Variants in TLE3 observed in about 807,000 individuals in gnomAD.
The protein encoded by TLE3 is transducin-like enhancer protein 3.
A neutral mutation model predicts 93.0 loss-of-function variants in TLE3; 14 were observed. The observed-to-expected ratio is 0.15, with a 90% CI of 0.10 to 0.24. TLE3 has a LOEUF of 0.24. Among genes scored for constraint, TLE3 ranks in the 10% least tolerant of loss-of-function variants. The pLI, the probability that TLE3 is intolerant of heterozygous loss-of-function variation, is 1.00. For synonymous variants in TLE3, 451 were observed against 425.0 expected, an observed-to-expected ratio of 1.06 and a Z score of -0.75; for missense variants, 693 against 1,046.6, an observed-to-expected ratio of 0.66 and a Z score of 4.66.
chr15:70,083,397 A>G (rs1043163829), intron 4 of TLE3, among the ~76,000 whole-genome samples: 1 of 151,812 alleles, frequency 6.6e-6, no homozygotes, highest in Non-Finnish European at 1.5e-5. Context: ...CTTGCCTCCC[A>G]CCCCTACTTG....
intron 15 of TLE3, 58 bp from the exon 16 acceptor site, chr15:70,054,743 G>C (rs2055861750): frequency 6.7e-7 from 1 of 1,497,516 alleles, no homozygotes; most frequent in Non-Finnish European, 8.9e-7. Flanking sequence ...GGCACCAGGA[G>C]AGTCCTGTCC....
rs774017013 is a variant in TLE3, at chr15:70,076,208, C to T, written c.235-50G>A. On this transcript the variant is annotated intron_variant, in intron 4 of 19. Coordinates refer to ENST00000451782, the MANE Select transcript of TLE3 (RefSeq NM_001105192.3). ...AAGCTCAGGCAAATAAATCAAGTCACTGAAATGTCATAGGCAAGTGGAAAT... is the reference window on the plus strand; with the variant it reads ...AAGCTCAGGCAAATAAATCAAGTCATTGAAATGTCATAGGCAAGTGGAAAT... The T allele has an allele frequency of 1.9e-6, 3 of 1,582,962 alleles. No homozygotes were observed. The East Asian group carries it at 6.7e-5, about 35-fold the overall frequency.
intron 9 of TLE3, among the ~76,000 whole-genome samples, chr15:70,059,828 G>C (rs541562368): frequency 6.6e-6 from 1 of 152,334 alleles, no homozygotes; most frequent in African/African-American, 2.4e-5. Flanking sequence ...TTCACAGTCA[G>C]TGTGCTGCTC....
intron 15 of TLE3, 38 bp downstream of exon 15, chr15:70,055,011 A>G: frequency 6.4e-7 from 1 of 1,559,096 alleles, no homozygotes; most frequent in Non-Finnish European, 8.7e-7. Flanking sequence ...ATCCTCCTAC[A>G]CCAGCTGGAG....
At chr15:70,077,202 G>A (rs1274037080) in intron 4 of TLE3, among the ~76,000 whole-genome samples, 1 of 152,188 alleles carries the variant, frequency 6.6e-6, no homozygotes, top group Non-Finnish European at 1.5e-5. Flanking sequence ...AGTATCCTAT[G>A]TAAACTTTAG....
Position 70,055,211 on chromosome 15 carries a change from C to A in TLE3, c.1416G>T (p.Arg472Ser). 1 of 1,613,806 alleles carries A rather than the reference C, an allele frequency of 6.2e-7. No individual in the cohort carries two copies. Among genetic ancestry groups the A allele is most frequent in the Non-Finnish European group, 8.5e-7 (1 of 1,179,914 alleles). The change falls in exon 15 of 20, where the codon AGG (arginine) becomes AGT (serine). Residue 472 changes from arginine (R) to serine (S), a missense_variant. Physicochemically the swap from Arg to Ser is moderately radical, Grantham distance 110. Coordinates refer to ENST00000451782, the MANE Select transcript of TLE3 (RefSeq NM_001105192.3). ...HDALAGPGIP[R>S]HARQINTLSH... ...TGAGTGTGTTGATCTGCCGGGCGTG[C>A]CTCGGGATGCCGGGGCCTGCCAGGG...
At chr15:70,095,189 C>T (rs2058491132) in intron 3 of TLE3, among the ~76,000 whole-genome samples, 1 of 152,206 alleles carries the variant, frequency 6.6e-6, no homozygotes, top group Non-Finnish European at 1.5e-5. Context: ...TTTCCAAACA[C>T]TCCCAGGAGG....
intron 8 of TLE3, 169 bp from the exon 9 acceptor site, chr15:70,060,818 T>G: frequency 1.7e-6 from 2 of 1,153,094 alleles, no homozygotes; most frequent in Non-Finnish European, 1.2e-6. Context: ...CAGGGAAGCC[T>G]TCCCCACTCC....
At chr15:70,076,444 G>A (rs2057450323) in intron 4 of TLE3, among the ~76,000 whole-genome samples, 1 of 152,266 alleles carries the variant, frequency 6.6e-6, no homozygotes, top group South Asian at 2.1e-4. Flanking sequence ...GCATCCTCTG[G>A]ATGGAATCCC....
In TLE3 at chr15:70,048,606, C is replaced by T. The variant is rs1040825580; in HGVS notation, c.*1491G>A. ...GCCTGCCACCAGGACTCACAGCGGCCTTTAGCTTTTCTTTAAAAGGAGAAA... is the reference window on the plus strand; with the variant it reads ...GCCTGCCACCAGGACTCACAGCGGCTTTTAGCTTTTCTTTAAAAGGAGAAA... On this transcript the variant is annotated 3_prime_UTR_variant, in exon 20 of 20. Transcript: ENST00000451782. 1.3e-5 allele frequency: 2 copies of T among 151,306 alleles called. No individual in the cohort carries two copies. The highest frequency in any genetic ancestry group is 2.9e-5 in the Non-Finnish European group (2 of 67,894). The allele number at this position is 151,306 out of a possible 1,614,324, so 9.4% of individuals were successfully genotyped here.
At chr15:70,087,506 A>G (rs1052141373) in intron 4 of TLE3, among the ~76,000 whole-genome samples, 4 of 152,234 alleles carry the variant, frequency 2.6e-5, no homozygotes, top group African/African-American at 9.6e-5. Context: ...TGTCCTCTGG[A>G]AAGTACTTCC....
Position 70,052,544 on chromosome 15 carries a change from A to G in TLE3, c.1975-20T>C. 1.2e-6 allele frequency: 2 copies of G among 1,609,178 alleles called. No homozygotes were observed. The highest frequency in any genetic ancestry group is 8.5e-7 in the Non-Finnish European group (1 of 1,178,302). On this transcript the variant is annotated intron_variant, in intron 17 of 19. Coordinates refer to ENST00000451782, the MANE Select transcript of TLE3 (RefSeq NM_001105192.3). Reference sequence around the variant, plus strand: ...GAAGATCTGCAGGTGGTGGGAGGGCAGATGGACTGAGCTCAGCATTCTCTG... The same window carrying G: ...GAAGATCTGCAGGTGGTGGGAGGGCGGATGGACTGAGCTCAGCATTCTCTG...
At chr15:70,053,473 G>A (rs1317449489) in intron 16 of TLE3, 99 bp from the exon 17 acceptor site, 1 of 1,385,508 alleles carries the variant, frequency 7.2e-7, no homozygotes, top group Non-Finnish European at 9.8e-7. Context: ...GAAAACTGAG[G>A]CCCAGAAGAG....
intron 10 of TLE3, 104 bp downstream of exon 10, chr15:70,059,306 G>T: frequency 2.2e-6 from 3 of 1,362,332 alleles, no homozygotes; most frequent in Non-Finnish European, 3.0e-6. Context: ...CCCTGCTCAG[G>T]CTGCCAGTAA....
In TLE3 at chr15:70,053,164, C is replaced by CT; in HGVS notation, c.1974+62dup. ...GGTCCCTTTGTCCCTGACCCAGCCA[C>CT]TGGGGCCCCGGAGGGAGGGAACACA... is the stretch of plus-strand genomic sequence containing the variant. On this transcript the variant is annotated intron_variant, in intron 17 of 19. Coordinates refer to ENST00000451782, the MANE Select transcript of TLE3 (RefSeq NM_001105192.3). The CT allele has an allele frequency of 2.6e-6, 4 of 1,547,452 alleles. No individual in the cohort carries two copies. In the East Asian group the frequency reaches 9.4e-5, roughly 37 times the overall value.
Position 70,056,563 on chromosome 15 carries a change from AG to A in TLE3, c.1252-190del, listed in dbSNP as rs2056052280. 2.0e-5 allele frequency among the ~76,000 whole-genome samples: 3 copies of A among 152,256 alleles called. No homozygotes were observed. The South Asian group carries it at 6.2e-4, about 32-fold the overall frequency. On this transcript the variant is annotated intron_variant, in intron 13 of 19. Coordinates refer to ENST00000451782, the MANE Select transcript of TLE3 (RefSeq NM_001105192.3). ...GGCCCAGGACAGCCCGTGGCAGGGA[AG>A]GGGTGACAGTGCAGACCCCACTGTG...
At chr15:70,096,742 G>C (rs1054263069) in intron 1 of TLE3, 33 bp downstream of exon 1, 1 of 1,612,190 alleles carries the variant, frequency 6.2e-7, no homozygotes, top group Non-Finnish European at 8.5e-7. Flanking sequence ...TGCCATGATA[G>C]ATGCTTAAAT....
At chr15:70,059,284 G>T (rs2056305870) in intron 10 of TLE3, 126 bp downstream of exon 10, 1 of 1,122,268 alleles carries the variant, frequency 8.9e-7, no homozygotes, top group Admixed American at 2.5e-5. Flanking sequence ...CCCAAGACTG[G>T]AGGCCTTGTC....
chr15:70,065,343 C>T (rs533221518), intron 7 of TLE3, among the ~76,000 whole-genome samples: 1 of 152,352 alleles, frequency 6.6e-6, no homozygotes, highest in East Asian at 1.9e-4. Flanking sequence ...CTCGGTGCAG[C>T]TTCATGGGTC....
Sources: allele counts gnomAD v4.1 joint callset (sites outside exome capture counted in the v4.1 genomes callset), GRCh38; gene constraint gnomAD v4.1.1; transcripts MANE v1.5; gene names NCBI Gene and HGNC (gene_info 2026-07-23, HGNC 2026-07-21).